The following MTDH variants were observed in gnomAD, a reference collection of about 807,000 sequenced individuals.
MTDH encodes the protein metadherin, also known as protein LYRIC.
MTDH carries 34 observed loss-of-function variants against 72.7 expected under a neutral mutation model. That is an observed-to-expected ratio of 0.47 (90% CI 0.36 to 0.62). MTDH has a LOEUF of 0.62. Ranked by LOEUF, MTDH falls within the 20% of genes least tolerant of loss-of-function variation. The probability of loss-of-function intolerance (pLI) is 0.00; values close to 1 mark genes in which losing one functional copy is unlikely to be tolerated. For synonymous variants in MTDH, 266 were observed against 268.9 expected (o/e 0.99, Z 0.10); for missense variants, 677 against 699.4 (o/e 0.97, Z 0.36).
chr8:97,650,691 C>T (rs1040118932), intron 1 of MTDH, among the ~76,000 whole-genome samples: 19 of 152,210 alleles, frequency 1.2e-4, no homozygotes, highest in African/African-American at 4.3e-4. Context: ...CATAATGTTT[C>T]GTGTTTAGTG....
chr8:97,720,740 A>C lies in MTDH; in HGVS notation c.1521+1551A>C, dbSNP rs528421489. On this transcript the variant is annotated intron_variant, in intron 10 of 11. Transcript: ENST00000336273. ...GCAATCTCGGCTCGCTGCAACCTCT[A>C]CCTCCTGGGTTCAGGCGATTTTCCT... 4.1e-5 allele frequency among the ~76,000 whole-genome samples: 6 copies of C among 146,130 alleles called. No homozygotes were observed. In the South Asian group the frequency reaches 1.3e-3, roughly 32 times the overall value.
intron 7 of MTDH, among the ~76,000 whole-genome samples, chr8:97,704,411 C>T (rs1022986961): frequency 3.9e-5 from 6 of 151,992 alleles, no homozygotes; most frequent in African/African-American, 1.5e-4. Flanking sequence ...TTTATTATTC[C>T]AACCTGGGCA....
At chr8:97,655,673 C>G (rs1018882186) in intron 1 of MTDH, among the ~76,000 whole-genome samples, 1 of 152,162 alleles carries the variant, frequency 6.6e-6, no homozygotes, top group Non-Finnish European at 1.5e-5. Context: ...GTAGACGGGC[C>G]AGGTGCAGTG....
intron 5 of MTDH, among the ~76,000 whole-genome samples, chr8:97,689,995 C>CTT (rs34310010): frequency 3.2e-5 from 4 of 126,690 alleles, no homozygotes; most frequent in African/African-American, 5.9e-5. Context: ...AGGCATCAGG[C>CTT]TTTTTTTTTT....
In MTDH at chr8:97,725,320, A is replaced by C. The variant is rs905966776; in HGVS notation, c.*650A>C. On this transcript the variant is annotated 3_prime_UTR_variant, in exon 12 of 12. Coordinates refer to ENST00000336273, the MANE Select transcript of MTDH (RefSeq NM_178812.4). ...ATGAAGTTATTTTTGATAGTCTTACATTACTTGAATTGTTCAAAGTACAGT... is the reference window on the plus strand; with the variant it reads ...ATGAAGTTATTTTTGATAGTCTTACCTTACTTGAATTGTTCAAAGTACAGT... 4 of 152,604 alleles carry C rather than the reference A, an allele frequency of 2.6e-5. No individual in the cohort carries two copies. Among genetic ancestry groups the C allele is most frequent in the African/African-American group, 9.7e-5 (4 of 41,450 alleles). The allele number at this position is 152,604 out of a possible 1,614,324, so 9.5% of individuals were successfully genotyped here. A position where few individuals can be genotyped will look rare whatever the true frequency, so the allele number is the denominator to read the frequency against.
Position 97,713,802 on chromosome 8 carries a change from C to T in MTDH, c.1380+33C>T, listed in dbSNP as rs541380821. The stretch of plus-strand genomic sequence containing the variant: ...GTCAGAACAACAAGCATTCATTAAG[C>T]GCCTCCGGCTTAAAATGTGAAAAGA... On this transcript the variant is annotated intron_variant, in intron 9 of 11. Coordinates refer to ENST00000336273, the MANE Select transcript of MTDH (RefSeq NM_178812.4). The T allele has an allele frequency of 2.8e-4, 363 of 1,295,356 alleles. 3 individuals are homozygous for T. The South Asian group carries it at 5.0e-3, about 18-fold the overall frequency. The allele number at this position is 1,295,356 out of a possible 1,614,324, so 80.2% of individuals were successfully genotyped here.
intron 6 of MTDH, 85 bp from the exon 7 acceptor site, chr8:97,699,669 T>G: frequency 1.3e-6 from 1 of 798,904 alleles, no homozygotes; most frequent in Non-Finnish European, 2.0e-6. Flanking sequence ...AAATAAAGTC[T>G]CCGTGTCAAA....
intron 7 of MTDH, among the ~76,000 whole-genome samples, chr8:97,700,319 G>A (rs933293379): frequency 2.6e-5 from 4 of 151,492 alleles, no homozygotes; most frequent in South Asian, 2.1e-4. Flanking sequence ...AGCTCATGCC[G>A]TCTTCATTTA....
chr8:97,650,979 C>T (rs921502921), intron 1 of MTDH, among the ~76,000 whole-genome samples: 1 of 152,166 alleles, frequency 6.6e-6, no homozygotes, highest in Non-Finnish European at 1.5e-5. Context: ...TGAGTGTCTG[C>T]CCATTATCCA....
chr8:97,644,947 G>A lies in MTDH; in HGVS notation c.381+60G>A, dbSNP rs865879315. 1.4e-5 allele frequency: 20 copies of A among 1,467,708 alleles called. 1 individual carries two copies. In the Middle Eastern group the frequency reaches 3.7e-3, roughly 268 times the overall value. The allele number at this position is 1,467,708 out of a possible 1,614,324, so 90.9% of individuals were successfully genotyped here. ...GAAGGGCGGGCGTGGAGACCCTCGA[G>A]CTTGGGGGAGGCCGCGCCCCAGCCG... On this transcript the variant is annotated intron_variant, in intron 1 of 11. Transcript: ENST00000336273.
At chr8:97,648,405 A>C (rs556202435) in intron 1 of MTDH, among the ~76,000 whole-genome samples, 2 of 152,266 alleles carry the variant, frequency 1.3e-5, no homozygotes, top group East Asian at 3.9e-4. Context: ...ACTTAGATTG[A>C]AGTGAAGTCT....
At chr8:97,648,494 C>CTT (rs34507182) in intron 1 of MTDH, among the ~76,000 whole-genome samples, 8 of 144,482 alleles carry the variant, frequency 5.5e-5, no homozygotes, top group African/African-American at 7.7e-5. Flanking sequence ...AGAAAATTGT[C>CTT]TTTTTTTTTT....
chr8:97,649,308 T>C (rs1267076979), intron 1 of MTDH, among the ~76,000 whole-genome samples: 1 of 152,236 alleles, frequency 6.6e-6, no homozygotes, highest in African/African-American at 2.4e-5. Context: ...TAGACTGTTC[T>C]AACATCATCC....
intron 7 of MTDH, among the ~76,000 whole-genome samples, chr8:97,701,359 TGTA>T (rs567319036): frequency 5.9e-4 from 90 of 152,298 alleles, no homozygotes; most frequent in South Asian, 6.2e-4. Context: ...CTTGATTACT[TGTA>T]GTAACTAATA....
At chr8:97,721,193 G>A (rs964504798) in intron 10 of MTDH, among the ~76,000 whole-genome samples, 2 of 152,114 alleles carry the variant, frequency 1.3e-5, no homozygotes, top group East Asian at 1.9e-4. Context: ...TGTAATCCCA[G>A]CACTTTGGGA....
chr8:97,711,069 T>A (rs1814610525), intron 8 of MTDH, among the ~76,000 whole-genome samples: 1 of 152,172 alleles, frequency 6.6e-6, no homozygotes, highest in Middle Eastern at 3.2e-3. Flanking sequence ...TTATGAATAC[T>A]AACATAACAG....
At chr8:97,693,170 A>G (rs1813687757) in intron 6 of MTDH, among the ~76,000 whole-genome samples, 1 of 152,208 alleles carries the variant, frequency 6.6e-6, no homozygotes, top group Admixed American at 6.5e-5. Context: ...TCAAAGCATC[A>G]GTATAAGTGC....
At chr8:97,675,160 C>T (rs1812785846) in intron 2 of MTDH, among the ~76,000 whole-genome samples, 1 of 152,106 alleles carries the variant, frequency 6.6e-6, no homozygotes, top group Non-Finnish European at 1.5e-5. Context: ...CTGGCATTAC[C>T]ATGAAAATCT....
At position 97,725,127 on chromosome 8, in the gene MTDH, A is replaced by T. The variant is rs899907216; in HGVS notation, c.*457A>T. 2 of 152,288 alleles carry T rather than the reference A, an allele frequency of 1.3e-5. No individual in the cohort carries two copies. Among genetic ancestry groups the T allele is most frequent in the Non-Finnish European group, 2.9e-5 (2 of 67,846 alleles). The allele number at this position is 152,288 out of a possible 1,614,324, so 9.4% of individuals were successfully genotyped here. A position where few individuals can be genotyped will look rare whatever the true frequency, so the allele number is the denominator to read the frequency against. On this transcript the variant is annotated 3_prime_UTR_variant, in exon 12 of 12. Coordinates refer to ENST00000336273, the MANE Select transcript of MTDH (RefSeq NM_178812.4). ...TCAAAGTGCTTTGATCAAATGCATA[A>T]CCTGCCATATCTTTACATATTTGTT...
Sources: allele counts gnomAD v4.1 joint callset (sites outside exome capture counted in the v4.1 genomes callset), GRCh38; gene constraint gnomAD v4.1.1; transcripts MANE v1.5; gene names NCBI Gene and HGNC (gene_info 2026-07-23, HGNC 2026-07-21).